Variants in XRCC4 observed in about 807,000 individuals in gnomAD.
The protein encoded by XRCC4 is DNA repair protein XRCC4.
A neutral mutation model predicts 39.1 loss-of-function variants in XRCC4; 28 were observed. The observed-to-expected ratio is 0.72, with a 90% CI of 0.53 to 0.98. The LOEUF (loss-of-function observed/expected upper bound fraction) is 0.98, where lower values mean the gene tolerates loss of function less well. Among genes scored for constraint, XRCC4 ranks in the 50% least tolerant of loss-of-function variants. The pLI is 0.00. For missense variants in XRCC4, 350 were observed against 376.4 expected, an observed-to-expected ratio of 0.93 and a Z score of 0.58; for synonymous variants, 123 against 126.4, an observed-to-expected ratio of 0.97 and a Z score of 0.18.
intron 6 of XRCC4, among the ~76,000 whole-genome samples, chr5:83,212,552 T>A (rs72767198): frequency 0.037 from 5,687 of 151,994 alleles, 152 homozygotes; most frequent in South Asian, 0.13. Flanking sequence ...CTTGAAAAAA[T>A]GAAAGCCAAA....
chr5:83,212,704 G>C (rs1211355725), intron 6 of XRCC4, among the ~76,000 whole-genome samples: 2 of 151,708 alleles, frequency 1.3e-5, no homozygotes, highest in East Asian at 3.9e-4. Flanking sequence ...GAGGCAGGCA[G>C]AACACCCGAG....
chr5:83,148,656 C>T (rs957451503), intron 3 of XRCC4, among the ~76,000 whole-genome samples: 3 of 151,990 alleles, frequency 2.0e-5, no homozygotes, highest in African/African-American at 4.8e-5. Context: ...TTTAAATCCT[C>T]GTTTATATAA....
At chr5:83,123,556 AATGG>A (rs954331921) in intron 3 of XRCC4, among the ~76,000 whole-genome samples, 18 of 151,964 alleles carry the variant, frequency 1.2e-4, no homozygotes, top group African/African-American at 4.3e-4. Context: ...TACATAAAAA[AATGG>A]TGGTTTAAAA....
At chr5:83,357,500 A>G (rs1265308414), downstream of XRCC4, among the ~76,000 whole-genome samples, 3 of 151,622 alleles carry the variant, frequency 2.0e-5, no homozygotes, top group Non-Finnish European at 4.4e-5. Flanking sequence ...CTCGGATCAC[A>G]TGAGAATACA....
chr5:83,106,841 A>G (rs1180490787), intron 2 of XRCC4, among the ~76,000 whole-genome samples: 1 of 152,048 alleles, frequency 6.6e-6, no homozygotes, highest in Non-Finnish European at 1.5e-5. Flanking sequence ...GATTGAAAGA[A>G]TGAAAGGATG....
Position 83,181,155 on chromosome 5 carries a change from T to C in XRCC4, c.316-14615T>C, listed in dbSNP as rs574887607. The stretch of plus-strand genomic sequence containing the variant: ...TTTTAGATATTATCTATTATCTTTT[T>C]ATTATGGAAGATGAGTAATTTTCTT... On this transcript the variant is annotated intron_variant, in intron 3 of 7. Transcript: ENST00000396027. 2.6e-5 allele frequency among the ~76,000 whole-genome samples: 4 copies of C among 152,014 alleles called. 1 individual carries two copies. In the East Asian group the frequency reaches 7.7e-4, roughly 29 times the overall value.
intron 2 of XRCC4, among the ~76,000 whole-genome samples, chr5:83,106,412 G>A (rs1471778093): frequency 5.9e-5 from 9 of 152,032 alleles, no homozygotes; most frequent in African/African-American, 7.2e-5. Context: ...GGCAAATGGC[G>A]TATTCTGTAT....
intron 7 of XRCC4, among the ~76,000 whole-genome samples, chr5:83,310,415 A>C (rs1755664288): frequency 6.6e-6 from 1 of 152,188 alleles, no homozygotes; most frequent in Non-Finnish European, 1.5e-5. Flanking sequence ...TGGGCCAGAT[A>C]TGGAGAGGGT....
At chr5:83,087,492 A>G (rs1326609692) in intron 1 of XRCC4, among the ~76,000 whole-genome samples, 1 of 151,212 alleles carries the variant, frequency 6.6e-6, no homozygotes, top group Admixed American at 6.6e-5. Context: ...GTGAAACCCC[A>G]TCTCTACTAA....
At chr5:83,095,624 C>T (rs1387477204) in intron 1 of XRCC4, among the ~76,000 whole-genome samples, 1 of 152,062 alleles carries the variant, frequency 6.6e-6, no homozygotes, top group East Asian at 1.9e-4. Flanking sequence ...CAGGATTACT[C>T]CTGGACTGCA....
At chr5:83,365,681 C>G in the XRCC4 span, among the ~76,000 whole-genome samples, 1 of 152,146 alleles carries the variant, frequency 6.6e-6, no homozygotes, top group African/African-American at 2.4e-5. Flanking sequence ...CAATAAAAAT[C>G]ATCCCCTAGA....
At chr5:83,336,171 A>G (rs968977906) in intron 7 of XRCC4, among the ~76,000 whole-genome samples, 5 of 152,114 alleles carry the variant, frequency 3.3e-5, no homozygotes, top group African/African-American at 4.8e-5. Context: ...TTAAGTTTTT[A>G]TCATCTGTAG....
At chr5:83,218,919 C>G (rs1751975321) in intron 6 of XRCC4, among the ~76,000 whole-genome samples, 1 of 148,918 alleles carries the variant, frequency 6.7e-6, no homozygotes. Flanking sequence ...TGTTAGTTTG[C>G]CAGGGCTGCT....
At chr5:83,337,439 T>C (rs1756627166) in intron 7 of XRCC4, among the ~76,000 whole-genome samples, 1 of 152,158 alleles carries the variant, frequency 6.6e-6, no homozygotes, top group Non-Finnish European at 1.5e-5. Flanking sequence ...AGGGCAACTT[T>C]GTGCTTAGAG....
intron 1 of XRCC4, among the ~76,000 whole-genome samples, chr5:83,086,646 G>T (rs188605329): frequency 1.3e-5 from 2 of 152,260 alleles, no homozygotes; most frequent in African/African-American, 4.8e-5. Flanking sequence ...GAGGAGGCAG[G>T]AGAGGTGGAC....
chr5:83,360,952 A>G, the XRCC4 span, among the ~76,000 whole-genome samples: 2 of 152,154 alleles, frequency 1.3e-5, no homozygotes, highest in Admixed American at 6.6e-5. Context: ...AGCTTCTAGT[A>G]TATTCATGAA....
intron 6 of XRCC4, among the ~76,000 whole-genome samples, chr5:83,208,264 C>A (rs1751494861): frequency 6.6e-6 from 1 of 152,062 alleles, no homozygotes; most frequent in East Asian, 1.9e-4. Flanking sequence ...TACAATCATA[C>A]TTTTGTAAAT....
intron 3 of XRCC4, among the ~76,000 whole-genome samples, chr5:83,171,089 C>T (rs1749700815): frequency 6.6e-6 from 1 of 152,106 alleles, no homozygotes; most frequent in Non-Finnish European, 1.5e-5. Context: ...CACTCATTCC[C>T]ATTCTTACAC....
At chr5:83,086,486 C>T (rs1163660630) in intron 1 of XRCC4, among the ~76,000 whole-genome samples, 1 of 152,118 alleles carries the variant, frequency 6.6e-6, no homozygotes, top group Non-Finnish European at 1.5e-5. Flanking sequence ...AATATATTTA[C>T]TATTCATTAA....
Sources: allele counts gnomAD v4.1 joint callset (sites outside exome capture counted in the v4.1 genomes callset), GRCh38; gene constraint gnomAD v4.1.1; transcripts MANE v1.5; gene names NCBI Gene and HGNC (gene_info 2026-07-23, HGNC 2026-07-21).